SYNPO: variants seen among roughly 807,000 people sequenced by gnomAD.
The protein encoded by SYNPO is synaptopodin.
In SYNPO, 19 loss-of-function variants were observed where a neutral mutation model predicts 49.5. That is an observed-to-expected ratio of 0.38 (90% CI 0.27 to 0.56). SYNPO has a LOEUF of 0.56. Ranked by LOEUF, SYNPO falls within the 20% of genes least tolerant of loss-of-function variation. SYNPO has a pLI of 0.68. For missense variants in SYNPO, 1,131 were observed against 1,248.3 expected (o/e 0.91, Z 1.42); for synonymous variants, 536 against 548.0 (o/e 0.98, Z 0.31).
chr5:150,651,159 G>C, intron 2 of SYNPO: 1 of 1,034,530 alleles, frequency 9.7e-7, no homozygotes, highest in Non-Finnish European at 1.2e-6. Flanking sequence ...ATGTGGGTGT[G>C]CCACAGGGAG....
At position 150,657,432 on chromosome 5, in the gene SYNPO, TCACACACACACACA is replaced by T. The variant is rs58828199; in HGVS notation, c.*377_*390del. 245 of 139,742 alleles carry T rather than the reference TCACACACACACACA, an allele frequency of 1.8e-3. 2 individuals carry two copies. The highest frequency in any genetic ancestry group is 6.0e-3 in the African/African-American group (213 of 35,210). The allele number at this position is 139,742 out of a possible 1,614,324, so 8.7% of individuals were successfully genotyped here. A position where few individuals can be genotyped will look rare whatever the true frequency, so the allele number is the denominator to read the frequency against. The stretch of plus-strand genomic sequence containing the variant: ...CTCTCTCTTTCTCTCTCTCTCTCTC[TCACACACACACACA>T]CACACACACACACACACACACACAC... On this transcript the variant is annotated 3_prime_UTR_variant, in exon 3 of 3. Coordinates refer to ENST00000307662, the MANE Select transcript of SYNPO (RefSeq NM_007286.6).
At chr5:150,617,415 C>T (rs772392873) in intron 1 of SYNPO, among the ~76,000 whole-genome samples, 14 of 152,184 alleles carry the variant, frequency 9.2e-5, no homozygotes, top group Non-Finnish European at 1.8e-4. Flanking sequence ...CCTGCCTCAG[C>T]CTCCCAAGTA....
the SYNPO span, among the ~76,000 whole-genome samples, chr5:150,590,697 G>A: frequency 2.0e-5 from 3 of 152,172 alleles, no homozygotes; most frequent in African/African-American, 7.2e-5. Flanking sequence ...ATAAGATAAT[G>A]GCAATTGTCA....
chr5:150,592,947 A>G, the SYNPO span, among the ~76,000 whole-genome samples: 5 of 152,176 alleles, frequency 3.3e-5, no homozygotes, highest in Non-Finnish European at 2.9e-5. Flanking sequence ...TCTTTCCATC[A>G]CTGGGCAGCT....
At chr5:150,595,605 G>A in the SYNPO span, among the ~76,000 whole-genome samples, 251 of 152,346 alleles carry the variant, frequency 1.6e-3, 1 homozygote, top group African/African-American at 5.3e-3. Flanking sequence ...CCAGCCACTC[G>A]CTGATAAGAG....
chr5:150,626,614 C>T (rs1757366332), intron 2 of SYNPO, among the ~76,000 whole-genome samples: 1 of 152,228 alleles, frequency 6.6e-6, no homozygotes. Context: ...CCCTAGTCAG[C>T]TGTTGCCCTT....
chr5:150,620,593 G>A (rs970099347), intron 2 of SYNPO, among the ~76,000 whole-genome samples: 4 of 152,222 alleles, frequency 2.6e-5, no homozygotes, highest in African/African-American at 7.2e-5. Context: ...GGAGTAAAGT[G>A]TTGTCTGCGG....
Position 150,648,983 on chromosome 5 carries a change from C to T in SYNPO, c.708C>T (p.Val236=). Residue 236 remains valine (V), a synonymous_variant, in exon 2 of 3, where the codon GTC becomes GTT. Transcript: ENST00000307662. This position sits in a 1 kb window ranked among gnomAD's most constrained non-coding sequence, Gnocchi z 5.0. ...CACTGGCCAAGCCCCCATCAGTGGT[C>T]AACAGGACGGCCAGGCCTTTTGGGA... is the stretch of plus-strand genomic sequence containing the variant. The part of the protein sequence containing the change: ...HFTLAKPPSV[V]NRTARPFGIQ... 6.2e-7 allele frequency: 1 copy of T among 1,614,250 alleles called. No individual in the cohort carries two copies. Among genetic ancestry groups the T allele is most frequent in the South Asian group, 1.1e-5 (1 of 91,088 alleles).
chr5:150,651,990 G>T, intron 2 of SYNPO: 1 of 1,000,534 alleles, frequency 1.0e-6, no homozygotes, highest in Middle Eastern at 5.2e-4. Context: ...CCTAGTTCTG[G>T]GTTCCCCAGT....
upstream of SYNPO, among the ~76,000 whole-genome samples, chr5:150,639,561 C>T (rs1476930846): frequency 2.6e-5 from 4 of 152,166 alleles, no homozygotes; most frequent in South Asian, 2.1e-4. Context: ...TCAGTCAGAC[C>T]GCAGGGGCCC....
In SYNPO at chr5:150,649,224, G is replaced by A. The variant is rs760228667; in HGVS notation, c.949G>A (p.Ala317Thr). The A allele has an allele frequency of 1.2e-6, 2 of 1,614,032 alleles. No homozygotes were observed. The highest frequency in any genetic ancestry group is 1.7e-6 in the Non-Finnish European group (2 of 1,180,012). The change falls in exon 2 of 3, where the codon GCA becomes ACA. Residue 317 changes from alanine (A) to threonine (T), a missense_variant. This residue lies in a region of SYNPO where 602 missense variants were observed against 720.7 expected (regional missense o/e 0.84). Coordinates refer to ENST00000307662, the MANE Select transcript of SYNPO (RefSeq NM_007286.6). ...SERRPLGNFT[A>T]PPTYTETLST... ...GAGACGCCCCTTGGGGAACTTCACT[G>A]CACCCCCCACCTACACTGAGACCTT...
intron 2 of SYNPO, among the ~76,000 whole-genome samples, chr5:150,654,833 T>C (rs987610350): frequency 6.6e-6 from 1 of 152,170 alleles, no homozygotes; most frequent in Non-Finnish European, 1.5e-5. Context: ...AGTCCAACTT[T>C]AATAATAGTC....
upstream of SYNPO, among the ~76,000 whole-genome samples, chr5:150,637,036 T>TG (rs1757739945): frequency 6.6e-6 from 1 of 152,250 alleles, no homozygotes; most frequent in Admixed American, 6.5e-5. Flanking sequence ...GCAGCTACTC[T>TG]GCAAAGCAGA....
At chr5:150,623,081 C>T (rs965971736) in intron 2 of SYNPO, among the ~76,000 whole-genome samples, 2 of 152,202 alleles carry the variant, frequency 1.3e-5, no homozygotes, top group African/African-American at 4.8e-5. Flanking sequence ...CATGTGAACA[C>T]GTCTCAGATT....
exon 2 of SYNPO, chr5:150,618,439 G>A: frequency 6.4e-7 from 1 of 1,551,682 alleles, no homozygotes; most frequent in Non-Finnish European, 8.7e-7. Flanking sequence ...GCGCCTTCCA[G>A]ATCCCTGATG....
intron 1 of SYNPO, chr5:150,614,544 A>C (rs1360889329): frequency 6.6e-6 from 1 of 152,220 alleles, no homozygotes; most frequent in Non-Finnish European, 1.5e-5. Flanking sequence ...CCTGCGTTCC[A>C]GTGCAGCGCC....
At chr5:150,599,171 CG>C (rs1378509455), upstream of SYNPO, among the ~76,000 whole-genome samples, 1 of 152,224 alleles carries the variant, frequency 6.6e-6, no homozygotes, top group African/African-American at 2.4e-5. Flanking sequence ...CACCATGTAC[CG>C]GGCGAAGCCC....
chr5:150,588,065 T>C, the SYNPO span, among the ~76,000 whole-genome samples: 1 of 152,208 alleles, frequency 6.6e-6, no homozygotes, highest in African/African-American at 2.4e-5. Flanking sequence ...AATTTTACAA[T>C]GAGTCAGTGT....
intron 2 of SYNPO, chr5:150,654,219 A>G (rs1758484118): frequency 6.6e-6 from 1 of 152,200 alleles, no homozygotes; most frequent in Admixed American, 6.5e-5. Context: ...TTAAATGGCA[A>G]GGTGGACTGG....
Sources: allele counts gnomAD v4.1 joint callset (sites outside exome capture counted in the v4.1 genomes callset), GRCh38; gene constraint gnomAD v4.1.1; regional missense constraint gnomAD v4.1.1; non-coding constraint Gnocchi (gnomAD v3.1); transcripts MANE v1.5; gene names NCBI Gene and HGNC (gene_info 2026-07-23, HGNC 2026-07-21).